HNRNPM: variants seen among roughly 807,000 people sequenced by gnomAD.
HNRNPM encodes CEA receptor.
In HNRNPM, 11 loss-of-function variants were observed where a neutral mutation model predicts 73.1. That is an observed-to-expected ratio of 0.15 (90% CI 0.09 to 0.25). The LOEUF is 0.25. HNRNPM is among the 10% of genes least tolerant of loss of function. HNRNPM has a pLI of 1.00. For synonymous variants in HNRNPM, 407 were observed against 355.2 expected, an observed-to-expected ratio of 1.15 and a Z score of -1.64; for missense variants, 789 against 1,067.9, an observed-to-expected ratio of 0.74 and a Z score of 3.64.
chr19:8,480,641 C>T lies in HNRNPM; in HGVS notation c.1121-2517C>T, dbSNP rs1185505708. 2.7e-5 allele frequency among the ~76,000 whole-genome samples: 4 copies of T among 148,070 alleles called. 1 individual carries two copies. The highest frequency in any genetic ancestry group is 2.1e-4 in the South Asian group (1 of 4,672). On this transcript the variant is annotated intron_variant, in intron 12 of 15. Transcript: ENST00000325495. The stretch of plus-strand genomic sequence containing the variant: ...TGACACCACTGCACTCTAGCCTGGG[C>T]GACAGAGTGAGACTCTGTCTCAAAA...
chr19:8,457,022 T>C (rs1969074080), intron 2 of HNRNPM, among the ~76,000 whole-genome samples: 1 of 152,246 alleles, frequency 6.6e-6, no homozygotes, highest in Non-Finnish European at 1.5e-5. Context: ...GCTTTTGGAA[T>C]AACCTCCAAA....
At chr19:8,450,945 C>T (rs562230695) in intron 1 of HNRNPM, among the ~76,000 whole-genome samples, 15 of 150,216 alleles carry the variant, frequency 1.0e-4, no homozygotes, top group African/African-American at 3.2e-4. Context: ...TCACTCTTGT[C>T]GCCCAGGCTG....
At chr19:8,449,941 C>T (rs1274591833) in intron 1 of HNRNPM, among the ~76,000 whole-genome samples, 2 of 152,174 alleles carry the variant, frequency 1.3e-5, no homozygotes, top group Admixed American at 1.3e-4. Context: ...AGTACTGCTT[C>T]CCTAGATGAG....
At chr19:8,476,174 G>T (rs1970492017) in intron 12 of HNRNPM, among the ~76,000 whole-genome samples, 1 of 152,032 alleles carries the variant, frequency 6.6e-6, no homozygotes, top group African/African-American at 2.4e-5. Flanking sequence ...TTCCTAGACT[G>T]TTCTTAGATG....
intron 9 of HNRNPM, among the ~76,000 whole-genome samples, chr19:8,469,838 C>G (rs554197836): frequency 6.6e-5 from 10 of 152,336 alleles, no homozygotes; most frequent in African/African-American, 2.2e-4. Flanking sequence ...GCCCTACTCA[C>G]TGAGTTGGAT....
At chr19:8,483,472 G>A (rs144819146) in intron 13 of HNRNPM, among the ~76,000 whole-genome samples, 34 of 152,352 alleles carry the variant, frequency 2.2e-4, no homozygotes, top group Non-Finnish European at 3.4e-4. Context: ...GAGTGCTTCC[G>A]CACGTGCTGT....
chr19:8,485,540 C>A, intron 13 of HNRNPM, 63 bp from the exon 14 acceptor site: 1 of 1,490,584 alleles, frequency 6.7e-7, no homozygotes, highest in Non-Finnish European at 9.1e-7. Context: ...AGTGGTCTGG[C>A]GTGTTGTGCA....
intron 7 of HNRNPM, among the ~76,000 whole-genome samples, chr19:8,466,754 A>AG (rs889529980): frequency 8.0e-6 from 1 of 125,236 alleles, no homozygotes; most frequent in African/African-American, 3.0e-5. Context: ...TGAACCCGGG[A>AG]GGTGGAGGTT....
Position 8,466,302 on chromosome 19 carries a change from C to T in HNRNPM, c.698C>T (p.Ala233Val), listed in dbSNP as rs1337168920. ...VFSMAGVVVR[A>V]DILEDKDGKS... ...AGTATGGCTGGTGTGGTGGTCCGAGCAGACATTCTTGAAGATAAAGATGGA... is the reference window on the plus strand; with the variant it reads ...AGTATGGCTGGTGTGGTGGTCCGAGTAGACATTCTTGAAGATAAAGATGGA... The change falls in exon 7 of 16, where the codon GCA becomes GTA. Residue 233 changes from alanine (A) to valine (V), a missense_variant. By Grantham distance (64) the Ala-to-Val change is moderately conservative (BLOSUM62 0). Transcript: ENST00000325495. The T allele has an allele frequency of 6.2e-7, 1 of 1,613,868 alleles. No homozygotes were observed. Among genetic ancestry groups the T allele is most frequent in the Non-Finnish European group, 8.5e-7 (1 of 1,179,952 alleles).
chr19:8,472,970 T>G (rs1270055425), intron 10 of HNRNPM, among the ~76,000 whole-genome samples: 1 of 152,236 alleles, frequency 6.6e-6, no homozygotes, highest in Non-Finnish European at 1.5e-5. Context: ...TATAATTCTA[T>G]TTCATGTTTA....
intron 5 of HNRNPM, among the ~76,000 whole-genome samples, chr19:8,464,399 A>C (rs1969599730): frequency 6.6e-6 from 1 of 152,056 alleles, no homozygotes; most frequent in Non-Finnish European, 1.5e-5. Flanking sequence ...GCACTTTGGG[A>C]GGCTGAGGTG....
chr19:8,448,716 G>T (rs955364129), intron 1 of HNRNPM, among the ~76,000 whole-genome samples: 1 of 151,358 alleles, frequency 6.6e-6, no homozygotes, highest in African/African-American at 2.4e-5. Context: ...ATCTCCTGAC[G>T]TCGTTATCCG....
intron 2 of HNRNPM, among the ~76,000 whole-genome samples, 171 bp downstream of exon 2, chr19:8,455,745 GT>G (rs34467960): frequency 2.1e-5 from 3 of 144,150 alleles, no homozygotes; most frequent in African/African-American, 2.6e-5. Context: ...TTTGTTTTGT[GT>G]TTTTTTTTTG....
chr19:8,453,538 C>G (rs1261853228), intron 1 of HNRNPM, among the ~76,000 whole-genome samples: 1 of 152,184 alleles, frequency 6.6e-6, no homozygotes, highest in Admixed American at 6.5e-5. Context: ...ATCGGCTCTT[C>G]AGTTAAAGAT....
chr19:8,462,664 G>A lies in HNRNPM; in HGVS notation c.336+83G>A. ...GGTGGCGTGGAATCGAATGAAATCA[G>A]GAAGGCAGTGAGTGCTCATGTTACA... On this transcript the variant is annotated intron_variant, in intron 3 of 15. Transcript: ENST00000325495. The surrounding 1 kb of genome is among the most constrained non-coding windows in gnomAD (Gnocchi z 4.5). 8.7e-7 allele frequency: 1 copy of A among 1,146,170 alleles called. No homozygotes were observed. Among genetic ancestry groups the A allele is most frequent in the South Asian group, 1.2e-5 (1 of 81,502 alleles). The allele number at this position is 1,146,170 out of a possible 1,614,324, so 71.0% of individuals were successfully genotyped here. A position where few individuals can be genotyped will look rare whatever the true frequency, so the allele number is the denominator to read the frequency against.
At chr19:8,487,097 G>A in intron 15 of HNRNPM, 22 bp downstream of exon 15, 2 of 1,603,542 alleles carry the variant, frequency 1.2e-6, no homozygotes, top group Non-Finnish European at 1.7e-6. Flanking sequence ...GAACGGCTTT[G>A]TAGGTGCTTC....
chr19:8,449,783 C>T (rs1968476538), intron 1 of HNRNPM, among the ~76,000 whole-genome samples: 1 of 126,754 alleles, frequency 7.9e-6, no homozygotes, highest in African/African-American at 2.7e-5. Flanking sequence ...GATCCGCCCG[C>T]CTCGGCCTCC....
intron 1 of HNRNPM, among the ~76,000 whole-genome samples, chr19:8,447,155 G>A (rs1033804598): frequency 3.3e-5 from 5 of 152,024 alleles, no homozygotes; most frequent in Non-Finnish European, 5.9e-5. Flanking sequence ...TAAAATAGCC[G>A]TTGTGAGAAA....
chr19:8,466,432 A>G (rs2145672701), intron 7 of HNRNPM, 44 bp downstream of exon 7: 1 of 1,597,500 alleles, frequency 6.3e-7, no homozygotes, highest in East Asian at 2.2e-5. Flanking sequence ...TTTGACCTAA[A>G]TTGCTGTGTT....
Sources: allele counts gnomAD v4.1 joint callset (sites outside exome capture counted in the v4.1 genomes callset), GRCh38; gene constraint gnomAD v4.1.1; non-coding constraint Gnocchi (gnomAD v3.1); transcripts MANE v1.5; gene names NCBI Gene and HGNC (gene_info 2026-07-23, HGNC 2026-07-21).